The following AKAP7 variants were observed in gnomAD, a reference collection of about 807,000 sequenced individuals.
AKAP7 encodes A kinase (PRKA) anchor protein 7.
Under a neutral mutation model 39.5 loss-of-function variants are expected in AKAP7, and 39 were observed. That is an observed-to-expected ratio of 0.99 (90% CI 0.76 to 1.29). The LOEUF (loss-of-function observed/expected upper bound fraction) is 1.29, where lower values mean the gene tolerates loss of function less well. Ranked by LOEUF, AKAP7 falls within the 50% of genes most tolerant of loss-of-function variation. The pLI is 0.00. For missense variants in AKAP7, 414 were observed against 407.7 expected (o/e 1.02, Z -0.13); for synonymous variants, 140 against 139.1 (o/e 1.01, Z -0.05).
At chr6:131,169,319 C>G in intron 5 of AKAP7, 46 bp downstream of exon 5, 2 of 1,584,536 alleles carry the variant, frequency 1.3e-6, no homozygotes, top group South Asian at 2.3e-5. Flanking sequence ...GTTGGAGAAG[C>G]AATTTTTTTC....
intron 7 of AKAP7, among the ~76,000 whole-genome samples, chr6:131,256,721 A>G (rs1812889008): frequency 6.6e-6 from 1 of 151,126 alleles, no homozygotes; most frequent in South Asian, 2.1e-4. Context: ...TATTATTATT[A>G]TTATTATTAT....
At chr6:131,142,301 G>A (rs1179618272) in intron 1 of AKAP7, among the ~76,000 whole-genome samples, 3 of 152,204 alleles carry the variant, frequency 2.0e-5, no homozygotes, top group African/African-American at 7.2e-5. Flanking sequence ...AGACCTGGAG[G>A]CCTAGAATGG....
intron 4 of AKAP7, among the ~76,000 whole-genome samples, chr6:131,167,479 T>A (rs978007162): frequency 6.6e-6 from 1 of 152,208 alleles, no homozygotes; most frequent in Non-Finnish European, 1.5e-5. Flanking sequence ...AACTTATAAA[T>A]GAGCCAGGAA....
At chr6:131,207,294 G>A (rs1356979671) in intron 6 of AKAP7, among the ~76,000 whole-genome samples, 1 of 150,926 alleles carries the variant, frequency 6.6e-6, no homozygotes, top group Non-Finnish European at 1.5e-5. Flanking sequence ...GAGCAACAAG[G>A]ACAATGGGAA....
intron 7 of AKAP7, among the ~76,000 whole-genome samples, chr6:131,223,486 G>A (rs548427923): frequency 2.6e-5 from 4 of 152,124 alleles, no homozygotes; most frequent in Non-Finnish European, 4.4e-5. Context: ...TCAGTATGTC[G>A]TTTGAATTTT....
chr6:131,281,200 C>T lies in AKAP7; in HGVS notation c.851-330C>T, dbSNP rs1815164905. 6.6e-6 allele frequency among the ~76,000 whole-genome samples: 1 copy of T among 152,112 alleles called. No homozygotes were observed. The highest frequency in any genetic ancestry group is 1.5e-5 in the Non-Finnish European group (1 of 68,020). On this transcript the variant is annotated intron_variant, in intron 7 of 7. Transcript: ENST00000431975. The surrounding 1 kb of genome is among the most constrained non-coding windows in gnomAD (Gnocchi z 4.0). ...TTAGTGAATTCACATGTCTGAGACT[C>T]CACGTGGTGGGGACATGGACGTTAG... is the stretch of plus-strand genomic sequence containing the variant.
chr6:131,151,617 G>A (rs1002198847), intron 2 of AKAP7, among the ~76,000 whole-genome samples: 1 of 151,798 alleles, frequency 6.6e-6, no homozygotes, highest in South Asian at 2.1e-4. Context: ...GTGGTGGCAT[G>A]TGCCTGTAAT....
chr6:131,204,845 G>A (rs1221672693), intron 6 of AKAP7, among the ~76,000 whole-genome samples: 1 of 152,180 alleles, frequency 6.6e-6, no homozygotes, highest in East Asian at 1.9e-4. Context: ...CTGGAAAAGA[G>A]CTAAATGATA....
intron 7 of AKAP7, among the ~76,000 whole-genome samples, chr6:131,279,317 G>A (rs1403232476): frequency 1.3e-5 from 2 of 151,932 alleles, no homozygotes; most frequent in African/African-American, 2.4e-5. Context: ...TCACCAGGCC[G>A]GAGTGCAGTT....
At chr6:131,139,003 A>C (rs1344810850) in intron 1 of AKAP7, among the ~76,000 whole-genome samples, 1 of 152,254 alleles carries the variant, frequency 6.6e-6, no homozygotes, top group Non-Finnish European at 1.5e-5. Flanking sequence ...GGAGACTTTT[A>C]AGTACTCAAC....
intron 6 of AKAP7, 109 bp downstream of exon 6, chr6:131,199,682 T>TG: frequency 1.1e-6 from 1 of 925,470 alleles, no homozygotes. Context: ...CTCTTGCTTC[T>TG]GGGTTTCCAA....
At chr6:131,175,790 G>C (rs1032822331) in intron 5 of AKAP7, among the ~76,000 whole-genome samples, 3 of 152,142 alleles carry the variant, frequency 2.0e-5, no homozygotes, top group African/African-American at 7.2e-5. Context: ...GAGGACACCG[G>C]GTCACAGAGG....
intron 6 of AKAP7, among the ~76,000 whole-genome samples, chr6:131,209,455 T>A (rs1444011639): frequency 6.6e-6 from 1 of 152,150 alleles, no homozygotes; most frequent in Non-Finnish European, 1.5e-5. Context: ...TTTCACCATG[T>A]TAGCCAGGAT....
At chr6:131,204,160 A>G (rs1168504202) in intron 6 of AKAP7, among the ~76,000 whole-genome samples, 1 of 152,202 alleles carries the variant, frequency 6.6e-6, no homozygotes, top group African/African-American at 2.4e-5. Flanking sequence ...CATTTTCTTT[A>G]AGATGTCCTA....
At chr6:131,184,602 G>A in intron 5 of AKAP7, 1 of 738,892 alleles carries the variant, frequency 1.4e-6, no homozygotes, top group Non-Finnish European at 2.5e-6. Flanking sequence ...GCCCTGAGCA[G>A]CCACAGTCGA....
intron 7 of AKAP7, among the ~76,000 whole-genome samples, chr6:131,237,336 A>C (rs1376319862): frequency 2.6e-5 from 4 of 152,084 alleles, no homozygotes; most frequent in African/African-American, 9.7e-5. Context: ...TTTTGCATTG[A>C]TATTCATCAG....
At chr6:131,189,586 A>T (rs1806202822) in intron 5 of AKAP7, among the ~76,000 whole-genome samples, 2 of 152,154 alleles carry the variant, frequency 1.3e-5, no homozygotes, top group Admixed American at 1.3e-4. Flanking sequence ...GCATTTTAAG[A>T]TTATTATGTA....
At chr6:131,243,041 C>T (rs367571570) in intron 7 of AKAP7, among the ~76,000 whole-genome samples, 78 of 152,192 alleles carry the variant, frequency 5.1e-4, no homozygotes, top group African/African-American at 1.8e-3. Context: ...CATGTGAAGC[C>T]TAGACTTTGC....
At chr6:131,227,642 C>G (rs1251713400) in intron 7 of AKAP7, among the ~76,000 whole-genome samples, 1 of 152,076 alleles carries the variant, frequency 6.6e-6, no homozygotes, top group Non-Finnish European at 1.5e-5. Context: ...ACAGAAGAAG[C>G]AAAGATCTCC....
Sources: gnomAD v4.1 joint callset for allele counts (sites outside exome capture counted in the v4.1 genomes callset) on GRCh38, gnomAD v4.1.1 for gene constraint, Gnocchi (gnomAD v3.1) non-coding constraint, MANE v1.5 for transcripts, NCBI Gene and HGNC (gene_info 2026-07-23, HGNC 2026-07-21) for gene names.